The following ZNF891 variants were observed in gnomAD, a reference collection of about 807,000 sequenced individuals.
The protein encoded by ZNF891 is zinc finger protein 891, also known as hCG1646157.
For missense variants in ZNF891, 589 were observed against 632.7 expected, an observed-to-expected ratio of 0.93 and a Z score of 0.74; for synonymous variants, 199 against 209.0, an observed-to-expected ratio of 0.95 and a Z score of 0.41.
intron 1 of ZNF891, among the ~76,000 whole-genome samples, chr12:133,129,894 G>A (rs1197796708): frequency 6.6e-6 from 1 of 152,234 alleles, no homozygotes; most frequent in Non-Finnish European, 1.5e-5. Flanking sequence ...CTGCTGGACA[G>A]AGGCGTGCAC....
In ZNF891 at chr12:133,106,811, C is replaced by G. The variant is rs1001776451; in HGVS notation, c.*13473G>C. Reference sequence around the variant, plus strand: ...TCACCACCCTGGAGAAAAAAAAACCCAGGAATATGTGGAAAAGCCATTAAT... The same window carrying G: ...TCACCACCCTGGAGAAAAAAAAACCGAGGAATATGTGGAAAAGCCATTAAT... On this transcript the variant is annotated 3_prime_UTR_variant, in exon 2 of 2. Coordinates refer to ENST00000537226, the MANE Select transcript of ZNF891 (RefSeq NM_001277291.2). 3 of 575,094 alleles carry G rather than the reference C, an allele frequency of 5.2e-6. No homozygotes were observed. The highest frequency in any genetic ancestry group is 8.3e-6 in the Non-Finnish European group (3 of 362,952). 35.6% of individuals were successfully genotyped at this position (575,094 alleles called of 1,614,324 possible). A position where few individuals can be genotyped will look rare whatever the true frequency, so the allele number is the denominator to read the frequency against.
Position 133,120,837 on chromosome 12 carries a change from G to A in ZNF891, c.1082C>T (p.Ser361Leu). The A allele has an allele frequency of 6.4e-7, 1 of 1,556,438 alleles. No homozygotes were observed. ...AGTTCTTACATGTCTCCTTAAGGTTGAGGAATCATTGAACACTTTACCACA... is the reference window on the plus strand; with the variant it reads ...AGTTCTTACATGTCTCCTTAAGGTTAAGGAATCATTGAACACTTTACCACA... ...KECGKVFNDS[S>L]TLRRHVRTHT... Residue 361 changes from serine to leucine, a missense_variant, in exon 2 of 2, where the codon TCA becomes TTA. Physicochemically the swap from Ser to Leu is moderately radical, Grantham distance 145. Coordinates refer to ENST00000537226, the MANE Select transcript of ZNF891 (RefSeq NM_001277291.2).
Position 133,112,777 on chromosome 12 carries a change from T to C in ZNF891, c.*7507A>G, listed in dbSNP as rs151186395. On this transcript the variant is annotated 3_prime_UTR_variant, in exon 2 of 2. Coordinates refer to ENST00000537226, the MANE Select transcript of ZNF891 (RefSeq NM_001277291.2). The stretch of plus-strand genomic sequence containing the variant: ...AAGTTTGCCTTTAAAAAGTAGGAGA[T>C]AGAAATGGTAAGTTAAAAAATATAT... The C allele has an allele frequency of 2.9e-4, 44 of 152,308 alleles. No homozygotes were observed. Among genetic ancestry groups the C allele is most frequent in the African/African-American group, 1.0e-3 (42 of 41,564 alleles). The allele number at this position is 152,308 out of a possible 1,614,324, so 9.4% of individuals were successfully genotyped here.
rs1467481520 is a variant in ZNF891, at chr12:133,106,421, G to C, written c.*13863C>G. The C allele has an allele frequency of 5.6e-6, 9 of 1,613,960 alleles. No homozygotes were observed. The highest frequency in any genetic ancestry group is 7.6e-6 in the Non-Finnish European group (9 of 1,180,022). On this transcript the variant is annotated 3_prime_UTR_variant, in exon 2 of 2. Coordinates refer to ENST00000537226, the MANE Select transcript of ZNF891 (RefSeq NM_001277291.2). ...TCAACATACGAAGAGTCACACTGGA[G>C]AGAAACCCTATGCGTGTGCTGAATG...
At position 133,106,123 on chromosome 12, in the gene ZNF891, T is replaced by C; in HGVS notation, c.*14161A>G. On this transcript the variant is annotated 3_prime_UTR_variant, in exon 2 of 2. Coordinates refer to ENST00000537226, the MANE Select transcript of ZNF891 (RefSeq NM_001277291.2). ...TATGTAGGAAATGTGGTAAAGCATT[T>C]AGCAGTGGCTCAGAACTCATTCGCC... 1 of 1,614,152 alleles carries C rather than the reference T, an allele frequency of 6.2e-7. No individual in the cohort carries two copies. The highest frequency in any genetic ancestry group is 8.5e-7 in the Non-Finnish European group (1 of 1,180,008).
chr12:133,106,226 A>C lies in ZNF891; in HGVS notation c.*14058T>G. On this transcript the variant is annotated 3_prime_UTR_variant, in exon 2 of 2. Coordinates refer to ENST00000537226, the MANE Select transcript of ZNF891 (RefSeq NM_001277291.2). ...GGCATTTCGCCGTTTCTCACACCTT[A>C]CTCGACATCAGAGCATCCATACAAC... 1 of 1,614,124 alleles carries C rather than the reference A, an allele frequency of 6.2e-7. No homozygotes were observed. Among genetic ancestry groups the C allele is most frequent in the Non-Finnish European group, 8.5e-7 (1 of 1,180,018 alleles).
chr12:133,114,807 G>A lies in ZNF891; in HGVS notation c.*5477C>T, dbSNP rs1955706359. 6.6e-6 allele frequency: 1 copy of A among 152,204 alleles called. No homozygotes were observed. 9.4% of individuals were successfully genotyped at this position (152,204 alleles called of 1,614,324 possible). A position where few individuals can be genotyped will look rare whatever the true frequency, so the allele number is the denominator to read the frequency against. ...AGAGATAAGGCCTGAAAAGGCAAGAGTTTGAGCAAGGTCTTGTAAAAAGAT... is the reference window on the plus strand; with the variant it reads ...AGAGATAAGGCCTGAAAAGGCAAGAATTTGAGCAAGGTCTTGTAAAAAGAT... On this transcript the variant is annotated 3_prime_UTR_variant, in exon 2 of 2. Transcript: ENST00000537226.
In ZNF891 at chr12:133,121,930, A is replaced by G. The variant is rs1566336910; in HGVS notation, c.-12T>C. On this transcript the variant is annotated 5_prime_UTR_variant, in exon 2 of 2. An upstream start codon of the reference 5' UTR is lost. Transcript: ENST00000537226. ...TCCATAACTGCCATTTTATGAGTAC[A>G]TAAGCCTGCACAGTAGAGTAGAGAG... is the stretch of plus-strand genomic sequence containing the variant. 4 of 1,525,652 alleles carry G rather than the reference A, an allele frequency of 2.6e-6. No individual in the cohort carries two copies. In the Admixed American group the frequency reaches 6.0e-5, roughly 23 times the overall value. 94.5% of individuals were successfully genotyped at this position (1,525,652 alleles called of 1,614,324 possible).
rs1399331060 is a variant in ZNF891 at position 133,121,754 on chromosome 12, C to T, written c.165G>A (p.Glu55=). Residue 55 remains glutamate (E), a synonymous_variant, in exon 2 of 2, where the codon GAG becomes GAA. Transcript: ENST00000537226. ...FKDVAVEFTQ[E]EWMMLDSAQR... ...GAGCAGAATCCAGCATCATCCACTCCTCCTGAGTGAACTCCACAGCTACAT... is the reference window on the plus strand; with the variant it reads ...GAGCAGAATCCAGCATCATCCACTCTTCCTGAGTGAACTCCACAGCTACAT... 6.5e-7 allele frequency: 1 copy of T among 1,536,866 alleles called. No homozygotes were observed. The highest frequency in any genetic ancestry group is 1.2e-5 in the South Asian group (1 of 84,046).
At chr12:133,124,226 G>A (rs1955792857) in intron 1 of ZNF891, among the ~76,000 whole-genome samples, 1 of 152,100 alleles carries the variant, frequency 6.6e-6, no homozygotes, top group Admixed American at 6.5e-5. Flanking sequence ...ACTTTAAATC[G>A]GTGGGGGGAA....
At position 133,105,854 on chromosome 12, in the gene ZNF891, G is replaced by C. The variant is rs956302607; in HGVS notation, c.*14430C>G. 1.9e-6 allele frequency: 3 copies of C among 1,614,074 alleles called. No homozygotes were observed. In the African/African-American group the frequency reaches 4.0e-5, roughly 22 times the overall value. On this transcript the variant is annotated 3_prime_UTR_variant, in exon 2 of 2. Transcript: ENST00000537226. ...TGGAGAGAAACCATATGCATGTAAG[G>C]AATGTGGCAAAACCTTTAGCCAGAT...
chr12:133,124,528 G>A (rs186188116), intron 1 of ZNF891, among the ~76,000 whole-genome samples: 4 of 151,782 alleles, frequency 2.6e-5, no homozygotes, highest in East Asian at 2.0e-4. Context: ...TACACTGAAG[G>A]TAAACTAGAA....
At position 133,108,375 on chromosome 12, in the gene ZNF891, G is replaced by T. The variant is rs1189794742; in HGVS notation, c.*11909C>A. On this transcript the variant is annotated 3_prime_UTR_variant, in exon 2 of 2. Coordinates refer to ENST00000537226, the MANE Select transcript of ZNF891 (RefSeq NM_001277291.2). ...TACCCTGTCAGCAAAATTAGGATATGAAAAATTCATTATTTATTTATTTAA... is the reference window on the plus strand; with the variant it reads ...TACCCTGTCAGCAAAATTAGGATATTAAAAATTCATTATTTATTTATTTAA... 5 of 151,782 alleles carry T rather than the reference G, an allele frequency of 3.3e-5. No homozygotes were observed. 9.4% of individuals were successfully genotyped at this position (151,782 alleles called of 1,614,324 possible). A position where few individuals can be genotyped will look rare whatever the true frequency, so the allele number is the denominator to read the frequency against.
At position 133,109,641 on chromosome 12, in the gene ZNF891, A is replaced by G. The variant is rs1321193380; in HGVS notation, c.*10643T>C. On this transcript the variant is annotated 3_prime_UTR_variant, in exon 2 of 2. Transcript: ENST00000537226. ...CATACTGAGCTAAAATATCCTTCAG[A>G]AATAAAGATGTTTCAGAATAAAAAT... 6.6e-6 allele frequency: 1 copy of G among 152,232 alleles called. No individual in the cohort carries two copies. The highest frequency in any genetic ancestry group is 2.4e-5 in the African/African-American group (1 of 41,464). 9.4% of individuals were successfully genotyped at this position (152,232 alleles called of 1,614,324 possible).
At position 133,109,872 on chromosome 12, in the gene ZNF891, C is replaced by T. The variant is rs1955668784; in HGVS notation, c.*10412G>A. On this transcript the variant is annotated 3_prime_UTR_variant, in exon 2 of 2. Coordinates refer to ENST00000537226, the MANE Select transcript of ZNF891 (RefSeq NM_001277291.2). ...GAATGATTTTAACATCTTTAAAAAG[C>T]TGCTTAGAAAAATAAGAATATGCAA... 6.6e-6 allele frequency: 1 copy of T among 152,156 alleles called. No homozygotes were observed. The highest frequency in any genetic ancestry group is 2.1e-4 in the South Asian group (1 of 4,824). 9.4% of individuals were successfully genotyped at this position (152,156 alleles called of 1,614,324 possible). A position where few individuals can be genotyped will look rare whatever the true frequency, so the allele number is the denominator to read the frequency against.
At chr12:133,122,897 C>T (rs1236877428) in intron 1 of ZNF891, among the ~76,000 whole-genome samples, 1 of 152,132 alleles carries the variant, frequency 6.6e-6, no homozygotes, top group Non-Finnish European at 1.5e-5. Context: ...GAGGCACTAA[C>T]TATTAACATT....
At chr12:133,122,974 G>A (rs908013850) in intron 1 of ZNF891, among the ~76,000 whole-genome samples, 2 of 152,058 alleles carry the variant, frequency 1.3e-5, no homozygotes, top group African/African-American at 2.4e-5. Context: ...AACATATAGC[G>A]TAAATACAAA....
At chr12:133,124,856 A>C (rs1223276461) in intron 1 of ZNF891, among the ~76,000 whole-genome samples, 1 of 150,832 alleles carries the variant, frequency 6.6e-6, no homozygotes, top group East Asian at 2.0e-4. Flanking sequence ...ATAGTTCCTG[A>C]AGGAACTACT....
Position 133,117,069 on chromosome 12 carries a change from G to C in ZNF891, c.*3215C>G, listed in dbSNP as rs1272412921. The C allele has an allele frequency of 6.6e-6, 1 of 152,106 alleles. No homozygotes were observed. Among genetic ancestry groups the C allele is most frequent in the African/African-American group, 2.4e-5 (1 of 41,418 alleles). 9.4% of individuals were successfully genotyped at this position (152,106 alleles called of 1,614,324 possible). ...CTCAATCACATAGACTTTGCTACTTGCTTTGCTGTCTTCTCCACTGATGGC... is the reference window on the plus strand; with the variant it reads ...CTCAATCACATAGACTTTGCTACTTCCTTTGCTGTCTTCTCCACTGATGGC... On this transcript the variant is annotated 3_prime_UTR_variant, in exon 2 of 2. Coordinates refer to ENST00000537226, the MANE Select transcript of ZNF891 (RefSeq NM_001277291.2).
Sources: allele counts gnomAD v4.1 joint callset (sites outside exome capture counted in the v4.1 genomes callset), GRCh38; gene constraint gnomAD v4.1.1; transcripts MANE v1.5; gene names NCBI Gene and HGNC (gene_info 2026-07-23, HGNC 2026-07-21).